ATL1: variants seen among roughly 807,000 people sequenced by gnomAD.
ATL1 encodes the protein atlastin-1.
In ATL1, 31 loss-of-function variants were observed where a neutral mutation model predicts 75.5. That is an observed-to-expected ratio of 0.41 (90% CI 0.31 to 0.55). The LOEUF is 0.55. ATL1 is among the 20% of genes least tolerant of loss of function. The pLI is 0.27. For missense variants in ATL1, 405 were observed against 662.6 expected (o/e 0.61, Z 4.27); for synonymous variants, 226 against 233.3 (o/e 0.97, Z 0.28).
Position 50,577,579 on chromosome 14 carries a change from A to G in ATL1, c.35-10252A>G, listed in dbSNP as rs2934694. ...TATATTCAGAGTATATTTAGTATATATAATTCTGAAATTATTATAGTTTTA... is the reference window on the plus strand; with the variant it reads ...TATATTCAGAGTATATTTAGTATATGTAATTCTGAAATTATTATAGTTTTA... On this transcript the variant is annotated intron_variant, in intron 1 of 13. Transcript: ENST00000358385. Among the ~76,000 whole-genome samples, 1,239 of 152,294 alleles carry G rather than the reference A, an allele frequency of 8.1e-3. 26 individuals are homozygous for G. The highest frequency in any genetic ancestry group is 0.028 in the African/African-American group (1,161 of 41,552).
Position 50,574,951 on chromosome 14 carries a change from A to G in ATL1, c.35-12880A>G, listed in dbSNP as rs895718180. On this transcript the variant is annotated intron_variant, in intron 1 of 13. Transcript: ENST00000358385. Reference sequence around the variant, plus strand: ...TGTGTGTGTGTGTATATATATATATATATATATATATATATATATATATAT... The same window carrying G: ...TGTGTGTGTGTGTATATATATATATGTATATATATATATATATATATATAT... 4.5e-4 allele frequency among the ~76,000 whole-genome samples: 59 copies of G among 130,050 alleles called. 1 individual carries two copies. The highest frequency in any genetic ancestry group is 2.3e-3 in the Admixed American group (31 of 13,398). 85.3% of individuals were successfully genotyped at this position (130,050 alleles called of 152,430 possible). A position where few individuals can be genotyped will look rare whatever the true frequency, so the allele number is the denominator to read the frequency against.
intron 1 of ATL1, among the ~76,000 whole-genome samples, chr14:50,552,018 C>A (rs1221451746): frequency 1.3e-5 from 2 of 152,116 alleles, no homozygotes; most frequent in Non-Finnish European, 2.9e-5. Context: ...CCAGAGCAGT[C>A]AGACAAAAGA....
At position 50,560,330 on chromosome 14, in the gene ATL1, G is replaced by A. The variant is rs375532254; in HGVS notation, c.34+31G>A. ...TAGCAAATGAGAACTTCTGCAGCCT[G>A]CACGGGGTCTTCTGGCCCTCCACTT... On this transcript the variant is annotated intron_variant, in intron 1 of 13. Transcript: ENST00000358385. The A allele has an allele frequency of 3.0e-5, 49 of 1,612,080 alleles. No individual in the cohort carries two copies. In the African/African-American group the frequency reaches 5.3e-4, roughly 18 times the overall value.
rs372073012 is a variant in ATL1, at chr14:50,632,551, T to A, written c.*212T>A. On this transcript the variant is annotated 3_prime_UTR_variant, in exon 14 of 14. Coordinates refer to ENST00000358385, the MANE Select transcript of ATL1 (RefSeq NM_015915.5). ...TACTATTTTGTTAACATGTACAATT[T>A]CCTGATTTTTCTTCAAAAATGCTGT... 1,736 of 428,646 alleles carry A rather than the reference T, an allele frequency of 4.0e-3. 55 individuals carry two copies. The highest frequency in any genetic ancestry group is 0.038 in the South Asian group (1,647 of 43,896). The allele number at this position is 428,646 out of a possible 1,614,324, so 26.6% of individuals were successfully genotyped here.
At chr14:50,552,944 G>C (rs1336179669) in intron 1 of ATL1, among the ~76,000 whole-genome samples, 1 of 151,984 alleles carries the variant, frequency 6.6e-6, no homozygotes, top group African/African-American at 2.4e-5. Context: ...TATAGACATG[G>C]GCTTAGGCAA....
At chr14:50,565,488 A>C (rs931682245) in intron 1 of ATL1, among the ~76,000 whole-genome samples, 28 of 151,524 alleles carry the variant, frequency 1.8e-4, no homozygotes, top group African/African-American at 6.1e-4. Flanking sequence ...TCATCTCAAA[A>C]AAAAAAAAAT....
intron 1 of ATL1, among the ~76,000 whole-genome samples, chr14:50,572,406 T>G (rs189854218): frequency 6.6e-6 from 1 of 152,266 alleles, no homozygotes; most frequent in East Asian, 1.9e-4. Context: ...ATAATTAAAG[T>G]TTTCTATTTC....
chr14:50,590,560 T>C (rs1451830308), intron 2 of ATL1, among the ~76,000 whole-genome samples: 1 of 152,210 alleles, frequency 6.6e-6, no homozygotes, highest in African/African-American at 2.4e-5. Context: ...AAACATCCTA[T>C]GTGGTCTTGC....
At chr14:50,629,644 G>GAA (rs1480576154) in intron 12 of ATL1, among the ~76,000 whole-genome samples, 3 of 150,718 alleles carry the variant, frequency 2.0e-5, no homozygotes, top group Non-Finnish European at 4.4e-5. Context: ...ACGTGCCTTT[G>GAA]AAGGATCTAG....
At chr14:50,620,483 G>C in intron 8 of ATL1, 116 bp from the exon 9 acceptor site, 1 of 1,089,228 alleles carries the variant, frequency 9.2e-7, no homozygotes, top group Non-Finnish European at 1.3e-6. Context: ...ATGGGGAAGT[G>C]AGTGATGGCA....
chr14:50,632,205 A>G, intron 13 of ATL1, 24 bp from the exon 14 acceptor site: 4 of 1,551,122 alleles, frequency 2.6e-6, no homozygotes, highest in Non-Finnish European at 3.5e-6. Flanking sequence ...AAAATGTTTT[A>G]TAATTTTGAT....
At chr14:50,605,230 A>G (rs1176858339) in intron 6 of ATL1, among the ~76,000 whole-genome samples, 11 of 151,610 alleles carry the variant, frequency 7.3e-5, no homozygotes. Context: ...GCTTTGGGAC[A>G]GTGGTTCTTC....
intron 11 of ATL1, 116 bp downstream of exon 11, chr14:50,623,364 T>G (rs1037446009): frequency 2.6e-6 from 2 of 774,910 alleles, no homozygotes; most frequent in Non-Finnish European, 4.4e-6. Flanking sequence ...TGGCTTTGAC[T>G]TTTTCCTCAG....
At chr14:50,558,220 G>A (rs559635528), upstream of ATL1, among the ~76,000 whole-genome samples, 23 of 152,278 alleles carry the variant, frequency 1.5e-4, no homozygotes, top group African/African-American at 4.3e-4. Context: ...ACAGCCAGGC[G>A]TGCTGGCGAC....
chr14:50,534,693 G>T (rs1327769427), intron 1 of ATL1, among the ~76,000 whole-genome samples: 1 of 152,220 alleles, frequency 6.6e-6, no homozygotes, highest in Admixed American at 6.5e-5. Context: ...TGGTTAAAAA[G>T]TCGAGACTCT....
chr14:50,608,297 A>G (rs1321014515), intron 6 of ATL1, among the ~76,000 whole-genome samples: 1 of 152,040 alleles, frequency 6.6e-6, no homozygotes, highest in Non-Finnish European at 1.5e-5. Flanking sequence ...AATGAAAAGC[A>G]TATAAATTAT....
At chr14:50,544,723 C>T (rs1268772057) in intron 1 of ATL1, among the ~76,000 whole-genome samples, 2 of 151,802 alleles carry the variant, frequency 1.3e-5, no homozygotes, top group Non-Finnish European at 1.5e-5. Flanking sequence ...TGCTTGAGCT[C>T]GGGAGTTTGA....
chr14:50,621,995 AT>A, intron 10 of ATL1, 96 bp downstream of exon 10: 1 of 853,044 alleles, frequency 1.2e-6, no homozygotes, highest in Non-Finnish European at 2.0e-6. Context: ...AGACAGAATA[AT>A]TTATTGGAAG....
At chr14:50,556,684 C>T (rs920200531), upstream of ATL1, among the ~76,000 whole-genome samples, 2 of 152,216 alleles carry the variant, frequency 1.3e-5, no homozygotes, top group Non-Finnish European at 2.9e-5. Context: ...AACAATTAAT[C>T]TACTTTCTGC....
Sources: allele counts gnomAD v4.1 joint callset (sites outside exome capture counted in the v4.1 genomes callset), GRCh38; gene constraint gnomAD v4.1.1; transcripts MANE v1.5; gene names NCBI Gene and HGNC (gene_info 2026-07-23, HGNC 2026-07-21).